The following FGGY variants were observed in gnomAD, a reference collection of about 807,000 sequenced individuals.
FGGY encodes FGGY carbohydrate kinase domain-containing protein.
FGGY carries 72 observed loss-of-function variants against 71.3 expected under a neutral mutation model. That is an observed-to-expected ratio of 1.01 (90% confidence interval 0.84 to 1.23). The LOEUF is 1.23. FGGY is among the 50% of genes most tolerant of loss of function. The pLI, the probability that FGGY is intolerant of heterozygous loss-of-function variation, is 0.00. For missense variants in FGGY, 668 were observed against 682.3 expected (o/e 0.98, Z 0.23); for synonymous variants, 251 against 250.3 (o/e 1.00, Z -0.02).
chr1:59,492,353 G>A (rs538543796), intron 6 of FGGY, among the ~76,000 whole-genome samples: 1 of 152,204 alleles, frequency 6.6e-6, no homozygotes, highest in Admixed American at 6.5e-5. Flanking sequence ...AAGATGACTG[G>A]GAACTCTATA....
chr1:59,719,024 C>T (rs944836674), intron 14 of FGGY, among the ~76,000 whole-genome samples: 1 of 152,162 alleles, frequency 6.6e-6, no homozygotes, highest in East Asian at 1.9e-4. Flanking sequence ...CACCCCAGCT[C>T]AACACCCAGG....
intron 6 of FGGY, among the ~76,000 whole-genome samples, chr1:59,468,872 TA>T (rs397967555): frequency 0.023 from 2,715 of 119,526 alleles, 52 homozygotes; most frequent in African/African-American, 0.066. Flanking sequence ...ACTCTGTCTT[TA>T]AAAAAAAAAA....
chr1:59,504,494 C>A (rs2094326768), intron 6 of FGGY, among the ~76,000 whole-genome samples: 2 of 152,128 alleles, frequency 1.3e-5, no homozygotes, highest in Admixed American at 6.5e-5. Flanking sequence ...CAGAATTGAA[C>A]TAAATGACAT....
chr1:59,733,461 G>T (rs201500763), intron 14 of FGGY, among the ~76,000 whole-genome samples: 77 of 145,090 alleles, frequency 5.3e-4, no homozygotes, highest in Middle Eastern at 3.5e-3. Context: ...GTTTTGTTTT[G>T]TTTTTTTGTT....
At chr1:59,629,338 T>C (rs2096887630) in intron 10 of FGGY, among the ~76,000 whole-genome samples, 1 of 152,204 alleles carries the variant, frequency 6.6e-6, no homozygotes, top group Non-Finnish European at 1.5e-5. Flanking sequence ...AATAAATGAA[T>C]ACTGTAGTAA....
chr1:59,627,072 T>C (rs12068091), intron 10 of FGGY, among the ~76,000 whole-genome samples: 2 of 151,736 alleles, frequency 1.3e-5, no homozygotes, highest in African/African-American at 4.8e-5. Context: ...AGGTGATAGA[T>C]AACCAGGATA....
At chr1:59,444,467 T>C (rs1277498211) in intron 5 of FGGY, among the ~76,000 whole-genome samples, 1 of 152,054 alleles carries the variant, frequency 6.6e-6, no homozygotes, top group Non-Finnish European at 1.5e-5. Context: ...TTGTTAACTG[T>C]AGTCATCTTA....
intron 9 of FGGY, among the ~76,000 whole-genome samples, chr1:59,618,891 A>T (rs761579003): frequency 1.3e-5 from 2 of 152,102 alleles, no homozygotes; most frequent in African/African-American, 2.4e-5. Context: ...CCAGCATTTC[A>T]CATCCACTAA....
intron 14 of FGGY, among the ~76,000 whole-genome samples, chr1:59,738,527 C>G (rs1354125497): frequency 6.6e-6 from 1 of 152,132 alleles, no homozygotes; most frequent in Non-Finnish European, 1.5e-5. Flanking sequence ...CACCAGGGCC[C>G]AAAAGTGACC....
At chr1:59,644,805 G>A (rs377229041) in intron 11 of FGGY, among the ~76,000 whole-genome samples, 81 of 152,070 alleles carry the variant, frequency 5.3e-4, no homozygotes, top group Non-Finnish European at 7.6e-4. Flanking sequence ...GTGAAACCCC[G>A]TCTCTACTAA....
At chr1:59,343,817 C>T (rs1385739905) in intron 3 of FGGY, among the ~76,000 whole-genome samples, 1 of 152,136 alleles carries the variant, frequency 6.6e-6, no homozygotes, top group Non-Finnish European at 1.5e-5. Flanking sequence ...TTGAGAGCAT[C>T]TTTATGTAGA....
intron 14 of FGGY, among the ~76,000 whole-genome samples, chr1:59,733,954 T>C (rs1363816382): frequency 6.6e-6 from 1 of 152,222 alleles, no homozygotes; most frequent in African/African-American, 2.4e-5. Context: ...TGATGTCCCC[T>C]GGCCCTTGCT....
chr1:59,396,476 C>T (rs147056536), intron 5 of FGGY, among the ~76,000 whole-genome samples: 1 of 152,214 alleles, frequency 6.6e-6, no homozygotes, highest in African/African-American at 2.4e-5. Flanking sequence ...GCCCTGCTGT[C>T]TCAGACTCCC....
chr1:59,495,994 G>T (rs893002331), intron 6 of FGGY, among the ~76,000 whole-genome samples: 7 of 152,200 alleles, frequency 4.6e-5, no homozygotes, highest in South Asian at 2.1e-4. Flanking sequence ...ATGAATTTTA[G>T]AATAGTTTTT....
chr1:59,500,891 T>C (rs2094204657), intron 6 of FGGY, among the ~76,000 whole-genome samples: 1 of 152,212 alleles, frequency 6.6e-6, no homozygotes, highest in Admixed American at 6.5e-5. Flanking sequence ...AAAGTACAAG[T>C]TGGGCTTCAT....
intron 7 of FGGY, among the ~76,000 whole-genome samples, chr1:59,539,337 G>GA (rs1370215442): frequency 6.6e-6 from 1 of 152,290 alleles, no homozygotes; most frequent in East Asian, 1.9e-4. Context: ...ACAAAGTTGG[G>GA]AAAACTCCAT....
intron 8 of FGGY, among the ~76,000 whole-genome samples, chr1:59,569,816 C>T (rs1164373233): frequency 1.3e-5 from 2 of 151,994 alleles, no homozygotes; most frequent in East Asian, 3.9e-4. Flanking sequence ...TCAAATGAGA[C>T]TCAAAGAAAT....
At chr1:59,666,086 T>C (rs2097322915) in intron 12 of FGGY, among the ~76,000 whole-genome samples, 1 of 152,150 alleles carries the variant, frequency 6.6e-6, no homozygotes, top group Non-Finnish European at 1.5e-5. Context: ...TGTCACACTT[T>C]CACTAAAAAC....
chr1:59,743,706 A>G (rs549224889), intron 14 of FGGY, among the ~76,000 whole-genome samples: 62 of 151,930 alleles, frequency 4.1e-4, no homozygotes, highest in African/African-American at 1.3e-3. Flanking sequence ...GCAAGTTCTT[A>G]TTTGTAAACA....
Sources: gnomAD v4.1 joint callset for allele counts (sites outside exome capture counted in the v4.1 genomes callset) on GRCh38, gnomAD v4.1.1 for gene constraint, MANE v1.5 for transcripts, NCBI Gene and HGNC (gene_info 2026-07-23, HGNC 2026-07-21) for gene names.